The following TRPM1 variants were observed in gnomAD, a reference collection of about 807,000 sequenced individuals.
TRPM1 encodes transient receptor potential cation channel subfamily M member 1, also known as TRPM1-203 APA Isoform, Intron 10.
Under a neutral mutation model 149.4 loss-of-function variants are expected in TRPM1, and 113 were observed. The ratio of observed to expected loss-of-function variants is 0.76; its 90% CI spans 0.65 to 0.88. TRPM1 has a LOEUF of 0.88. Among genes scored for constraint, TRPM1 ranks in the 40% least tolerant of loss-of-function variants. TRPM1 has a pLI of 0.00. For missense variants in TRPM1, 1,976 were observed against 2,038.7 expected, an observed-to-expected ratio of 0.97 and a Z score of 0.59; for synonymous variants, 741 against 759.5, an observed-to-expected ratio of 0.98 and a Z score of 0.40.
rs963727360 is a variant in TRPM1, at chr15:31,066,210, C to A, written c.656G>T (p.Ser219Ile). The A allele has an allele frequency of 3.1e-6, 5 of 1,614,166 alleles. No homozygotes were observed. Among genetic ancestry groups the A allele is most frequent in the Non-Finnish European group, 4.2e-6 (5 of 1,180,038 alleles). The change falls in exon 7 of 28, where the codon AGT becomes ATT. Residue 219 changes from serine to isoleucine, a missense_variant. Physicochemically the swap from Ser to Ile is moderately radical, Grantham distance 142. Around this residue, in one of 3 missense-constraint regions of TRPM1, gnomAD observed 1,332 missense variants for 1,347.1 expected, o/e 0.99. Coordinates refer to ENST00000256552, the MANE Select transcript of TRPM1 (RefSeq NM_001252024.2). ...GGAGTTGTTGAGCACAGAGAGCTTA[C>A]TTAGAGGGTTGGACATGGTCTGGTA... ...RVYQTMSNPL[S>I]KLSVLNNSHT... is the part of the protein sequence containing the mutation.
chr15:31,078,543 T>C (rs780362672), intron 2 of TRPM1, among the ~76,000 whole-genome samples: 1 of 152,226 alleles, frequency 6.6e-6, no homozygotes, highest in Non-Finnish European at 1.5e-5. Context: ...ATTTAATGAC[T>C]GTTTAAAAAC....
At chr15:31,053,835 G>A (rs1163960549) in intron 11 of TRPM1, among the ~76,000 whole-genome samples, 3 of 152,246 alleles carry the variant, frequency 2.0e-5, no homozygotes, top group Admixed American at 1.3e-4. Flanking sequence ...AGCAACCCAA[G>A]TGTCCACTGA....
chr15:31,125,991 G>T (rs2035946670), intron 1 of TRPM1, among the ~76,000 whole-genome samples: 1 of 151,604 alleles, frequency 6.6e-6, no homozygotes, highest in East Asian at 2.0e-4. Context: ...AAATAGCCGG[G>T]CATGGTGGCG....
Position 31,002,753 on chromosome 15 carries a change from C to T in TRPM1, c.3947G>A (p.Gly1316Glu). ...FEDTSLSTSP[G>E]TGVRKKTCSF... ...ACAGGTTTTTTTCCTGACTCCTGTC[C>T]CTGGTGACGTGGAGAGAGATGTATC... Residue 1316 changes from glycine (G) to glutamate (E), a missense_variant, in exon 28 of 28, where the codon GGG (glycine) becomes GAG (glutamate). Transcript: ENST00000256552. The T allele has an allele frequency of 6.2e-7, 1 of 1,614,116 alleles. No homozygotes were observed. Among genetic ancestry groups the T allele is most frequent in the Non-Finnish European group, 8.5e-7 (1 of 1,180,020 alleles).
chr15:31,135,881 C>A (rs186248793), intron 1 of TRPM1, among the ~76,000 whole-genome samples: 2,236 of 152,230 alleles, frequency 0.015, 61 homozygotes, highest in African/African-American at 0.052. Flanking sequence ...GCTTCCTATA[C>A]AGCCTGCAGA....
At chr15:31,106,382 C>A (rs531478765), upstream of TRPM1, among the ~76,000 whole-genome samples, 1 of 152,022 alleles carries the variant, frequency 6.6e-6, no homozygotes, top group South Asian at 2.1e-4. Context: ...GTGATCCACC[C>A]GCCTCGGCTG....
intron 1 of TRPM1, among the ~76,000 whole-genome samples, chr15:31,130,189 G>C (rs1364667705): frequency 1.3e-5 from 2 of 152,204 alleles, no homozygotes; most frequent in African/African-American, 4.8e-5. Context: ...CCTGCCCAGT[G>C]TCTTACCTGG....
At chr15:31,112,695 T>A (rs544412881) in intron 1 of TRPM1, among the ~76,000 whole-genome samples, 1 of 152,240 alleles carries the variant, frequency 6.6e-6, no homozygotes. Context: ...AAAGGTGATA[T>A]TCTCTAAACT....
At chr15:31,121,167 A>C (rs2035872122) in intron 1 of TRPM1, among the ~76,000 whole-genome samples, 1 of 142,626 alleles carries the variant, frequency 7.0e-6, no homozygotes, top group African/African-American at 2.6e-5. Flanking sequence ...CAGATGTTGC[A>C]GTGAACCAAG....
At chr15:31,093,481 T>C (rs2141004990) in intron 1 of TRPM1, among the ~76,000 whole-genome samples, 1 of 152,218 alleles carries the variant, frequency 6.6e-6, no homozygotes, top group South Asian at 2.1e-4. Context: ...GAAGGCCTTG[T>C]ACACTGAAAG....
chr15:31,032,474 A>C (rs2033135055), intron 22 of TRPM1, among the ~76,000 whole-genome samples: 1 of 152,058 alleles, frequency 6.6e-6, no homozygotes, highest in Non-Finnish European at 1.5e-5. Flanking sequence ...GTATATATAC[A>C]CAGTAGGCCC....
chr15:31,031,614 T>C (rs539889024), intron 22 of TRPM1, among the ~76,000 whole-genome samples: 11 of 152,334 alleles, frequency 7.2e-5, no homozygotes, highest in African/African-American at 2.6e-4. Flanking sequence ...TTACTGTGGA[T>C]ACTAAACTGG....
At chr15:31,095,905 G>C (rs2035367454) in intron 1 of TRPM1, among the ~76,000 whole-genome samples, 1 of 151,844 alleles carries the variant, frequency 6.6e-6, no homozygotes, top group Non-Finnish European at 1.5e-5. Context: ...AATTAGCCAG[G>C]CGTGGTGGCA....
At chr15:31,112,763 G>A (rs2035708702) in intron 1 of TRPM1, among the ~76,000 whole-genome samples, 2 of 152,006 alleles carry the variant, frequency 1.3e-5, no homozygotes, top group Admixed American at 6.6e-5. Context: ...ACTAAATTTG[G>A]GCAACTCTGC....
chr15:31,121,635 C>A (rs999733034), intron 1 of TRPM1, among the ~76,000 whole-genome samples: 6 of 152,132 alleles, frequency 3.9e-5, no homozygotes, highest in African/African-American at 1.2e-4. Flanking sequence ...AGAAATAGGT[C>A]GCCTGAATAG....
chr15:31,022,034 A>G (rs921668348), intron 27 of TRPM1, among the ~76,000 whole-genome samples: 2 of 152,242 alleles, frequency 1.3e-5, no homozygotes, highest in Admixed American at 1.3e-4. Flanking sequence ...TTTGGTGTTA[A>G]GCTTCCTTGA....
At chr15:31,126,648 T>C (rs185932301) in intron 1 of TRPM1, among the ~76,000 whole-genome samples, 1 of 152,302 alleles carries the variant, frequency 6.6e-6, no homozygotes, top group African/African-American at 2.4e-5. Context: ...GAGAAATGGC[T>C]TGCTTTTCAA....
At chr15:31,098,437 C>A (rs1311881935) in intron 1 of TRPM1, among the ~76,000 whole-genome samples, 2 of 152,094 alleles carry the variant, frequency 1.3e-5, no homozygotes, top group Admixed American at 6.6e-5. Context: ...CACACACACA[C>A]AAAAATAATA....
chr15:31,154,043 C>T (rs1428258766), intron 1 of TRPM1, among the ~76,000 whole-genome samples: 1 of 152,180 alleles, frequency 6.6e-6, no homozygotes, highest in Non-Finnish European at 1.5e-5. Flanking sequence ...CTGGCCATAC[C>T]CAGAGGGTTC....
Sources: allele counts gnomAD v4.1 joint callset (sites outside exome capture counted in the v4.1 genomes callset), GRCh38; gene constraint gnomAD v4.1.1; regional missense constraint gnomAD v4.1.1; transcripts MANE v1.5; gene names NCBI Gene and HGNC (gene_info 2026-07-23, HGNC 2026-07-21).